KSR2: variants seen among roughly 807,000 people sequenced by gnomAD.
The protein encoded by KSR2 is kinase suppressor of ras 2.
In KSR2, 25 loss-of-function variants were observed where a neutral mutation model predicts 107.8. The observed-to-expected ratio is 0.23, with a 90% CI of 0.17 to 0.32. The LOEUF is 0.32. KSR2 is among the 10% of genes least tolerant of loss of function. The probability of loss-of-function intolerance (pLI) is 1.00; values close to 1 mark genes in which losing one functional copy is unlikely to be tolerated. For synonymous variants in KSR2, 480 were observed against 507.0 expected (o/e 0.95, Z 0.71); for missense variants, 887 against 1,268.9 (o/e 0.70, Z 4.57).
At chr12:117,908,452 A>G (rs1894918972) in intron 1 of KSR2, among the ~76,000 whole-genome samples, 1 of 152,234 alleles carries the variant, frequency 6.6e-6, no homozygotes, top group Non-Finnish European at 1.5e-5. Context: ...AGCCACAGGA[A>G]TAGCACAATT....
intron 2 of KSR2, among the ~76,000 whole-genome samples, chr12:117,858,975 A>G (rs1003891647): frequency 3.3e-5 from 5 of 152,098 alleles, no homozygotes; most frequent in Non-Finnish European, 5.9e-5. Context: ...TGTCACTGCA[A>G]ATGAGTCGGT....
intron 4 of KSR2, among the ~76,000 whole-genome samples, chr12:117,701,830 G>A (rs959580176): frequency 6.6e-6 from 1 of 152,198 alleles, no homozygotes; most frequent in Non-Finnish European, 1.5e-5. Context: ...GAGGCTGCAT[G>A]AGGCAAGGGA....
chr12:117,513,649 G>T (rs1191439293), intron 14 of KSR2, among the ~76,000 whole-genome samples: 2 of 152,232 alleles, frequency 1.3e-5, no homozygotes. Context: ...CCTTCCCAGG[G>T]AATGGGACCC....
intron 17 of KSR2, among the ~76,000 whole-genome samples, chr12:117,472,807 T>C (rs547670094): frequency 5.9e-5 from 9 of 152,318 alleles, no homozygotes; most frequent in African/African-American, 2.2e-4. Context: ...CTAGGCACTA[T>C]TCTAAGTTTT....
At chr12:117,788,324 A>G (rs1890144921) in intron 3 of KSR2, among the ~76,000 whole-genome samples, 2 of 152,222 alleles carry the variant, frequency 1.3e-5, no homozygotes, top group Admixed American at 1.3e-4. Context: ...CAAATTGTCC[A>G]CTTGCTGGGA....
intron 17 of KSR2, among the ~76,000 whole-genome samples, chr12:117,475,994 G>T (rs1216292080): frequency 1.3e-5 from 2 of 152,190 alleles, no homozygotes; most frequent in African/African-American, 4.8e-5. Context: ...TGAGACCGCA[G>T]CCCTAGCCAA....
intron 3 of KSR2, among the ~76,000 whole-genome samples, chr12:117,830,347 TC>T (rs1192039078): frequency 6.6e-6 from 1 of 151,444 alleles, no homozygotes; most frequent in African/African-American, 2.4e-5. Context: ...CACAGGGGAC[TC>T]CTAGAAGGGG....
intron 1 of KSR2, among the ~76,000 whole-genome samples, chr12:117,926,338 C>T (rs1227646118): frequency 6.6e-6 from 1 of 152,210 alleles, no homozygotes; most frequent in African/African-American, 2.4e-5. Flanking sequence ...GTCCTGATAA[C>T]GTGTTCACAG....
intron 4 of KSR2, among the ~76,000 whole-genome samples, chr12:117,756,625 A>C (rs1888800903): frequency 6.6e-6 from 1 of 152,252 alleles, no homozygotes; most frequent in Non-Finnish European, 1.5e-5. Context: ...CATCCCTGCT[A>C]ATACATCCAT....
chr12:117,921,566 C>A (rs1412145243), intron 1 of KSR2, among the ~76,000 whole-genome samples: 2 of 152,146 alleles, frequency 1.3e-5, no homozygotes, highest in African/African-American at 4.8e-5. Context: ...GTCAAGCAGA[C>A]CTAGACTCTG....
At chr12:117,657,435 A>G (rs1310121019) in intron 5 of KSR2, among the ~76,000 whole-genome samples, 1 of 152,188 alleles carries the variant, frequency 6.6e-6, no homozygotes, top group Non-Finnish European at 1.5e-5. Context: ...AAACAAAACA[A>G]AACACTTAGG....
chr12:117,867,604 T>C (rs922588672), intron 1 of KSR2, among the ~76,000 whole-genome samples: 8 of 152,200 alleles, frequency 5.3e-5, no homozygotes, highest in Non-Finnish European at 1.0e-4. Context: ...ACCCCTGTCA[T>C]CTTCATAAGA....
intron 4 of KSR2, among the ~76,000 whole-genome samples, chr12:117,744,702 C>T (rs778835519): frequency 3.4e-4 from 52 of 152,168 alleles, no homozygotes; most frequent in Non-Finnish European, 6.8e-4. Context: ...TTCTCTACTT[C>T]CAAATCTGTT....
intron 7 of KSR2, among the ~76,000 whole-genome samples, chr12:117,577,104 G>A (rs1199725186): frequency 6.6e-6 from 1 of 152,138 alleles, no homozygotes; most frequent in Admixed American, 6.5e-5. Flanking sequence ...GCTTGCCCTT[G>A]CCGTTCTCTC....
At chr12:117,898,132 C>A (rs775604359) in intron 1 of KSR2, among the ~76,000 whole-genome samples, 16 of 152,112 alleles carry the variant, frequency 1.1e-4, no homozygotes, top group Admixed American at 9.8e-4. Context: ...AACTCAAAGG[C>A]ACTTCAAAAG....
chr12:117,578,787 A>C (rs1879454661), intron 7 of KSR2, among the ~76,000 whole-genome samples: 2 of 152,154 alleles, frequency 1.3e-5, no homozygotes. Flanking sequence ...ATGGTCTGCA[A>C]AGCCTAAAAT....
At chr12:117,674,205 T>C (rs1302120783) in intron 4 of KSR2, 3 of 450,324 alleles carry the variant, frequency 6.7e-6, no homozygotes, top group East Asian at 1.4e-4. Flanking sequence ...CGAGAAATCT[T>C]ACATTGTCTT....
intron 3 of KSR2, among the ~76,000 whole-genome samples, chr12:117,837,091 G>A (rs1318045562): frequency 6.6e-6 from 1 of 152,170 alleles, no homozygotes; most frequent in Admixed American, 6.5e-5. Context: ...GAAGGTGAGT[G>A]GCAGCAAGGC....
At chr12:117,878,603 C>G (rs943572575) in intron 1 of KSR2, among the ~76,000 whole-genome samples, 1 of 152,246 alleles carries the variant, frequency 6.6e-6, no homozygotes, top group East Asian at 1.9e-4. Context: ...GAGAGCAGGA[C>G]GCCAAGTAGC....
Sources: allele counts gnomAD v4.1 joint callset (sites outside exome capture counted in the v4.1 genomes callset), GRCh38; gene constraint gnomAD v4.1.1; transcripts MANE v1.5; gene names NCBI Gene and HGNC (gene_info 2026-07-23, HGNC 2026-07-21).